Variants in RS1 observed in about 807,000 individuals in gnomAD.
RS1 encodes the protein retinoschisin 1.
RS1 carries 2 observed loss-of-function variants against 20.8 expected under a neutral mutation model. That is an observed-to-expected ratio of 0.10 (90% CI 0.04 to 0.30). The LOEUF (loss-of-function observed/expected upper bound fraction) is 0.30. Among genes scored for constraint, RS1 ranks in the 10% least tolerant of loss-of-function variants. The pLI is 1.00. For synonymous variants in RS1, 70 were observed against 75.8 expected, an observed-to-expected ratio of 0.92 and a Z score of 0.40; for missense variants, 151 against 189.8, an observed-to-expected ratio of 0.80 and a Z score of 1.20.
At chrX:18,660,309 G>A (rs978725994) in intron 1 of RS1, among the ~76,000 whole-genome samples, 1 of 107,134 alleles carries the variant, frequency 9.3e-6, no homozygotes, top group East Asian at 3.0e-4. Context: ...TCTGCCTTCC[G>A]GGTTCAAGCG....
At chrX:18,658,677 G>A (rs1438468540) in intron 1 of RS1, among the ~76,000 whole-genome samples, 22 of 110,423 alleles carry the variant, frequency 2.0e-4, no homozygotes, top group African/African-American at 3.6e-4. Flanking sequence ...GGCTGGTCTC[G>A]AACTCCTGAC....
intron 2 of RS1, among the ~76,000 whole-genome samples, chrX:18,657,236 T>G (rs1341358689): frequency 2.1e-5 from 2 of 95,386 alleles, no homozygotes; most frequent in East Asian, 6.2e-4. Flanking sequence ...TTTTTTTTTT[T>G]TTGAGACAGA....
chrX:18,647,390 G>C lies in RS1; in HGVS notation c.185-58C>G, dbSNP rs1927829520. 10 of 1,162,478 alleles carry C rather than the reference G, an allele frequency of 8.6e-6. No individual in the cohort carries two copies. In the East Asian group the frequency reaches 8.9e-5, roughly 10 times the overall value. On this transcript the variant is annotated intron_variant, in intron 3 of 5. Coordinates refer to ENST00000379984, the MANE Select transcript of RS1 (RefSeq NM_000330.4). ...TATCTCAATACTCAACAAGCACCAG[G>C]TGACTGAAATAACAAAACAAACCCA...
At chrX:18,647,489 A>C (rs914657413) in intron 3 of RS1, 157 bp from the exon 4 acceptor site, 2 of 522,125 alleles carry the variant, frequency 3.8e-6, no homozygotes, top group Admixed American at 5.7e-5. Flanking sequence ...CTGTGTCTTC[A>C]ACGGTTCACT....
intron 1 of RS1, among the ~76,000 whole-genome samples, chrX:18,663,459 C>A (rs945581123): frequency 7.5e-5 from 8 of 107,250 alleles, no homozygotes; most frequent in Non-Finnish European, 1.3e-4. Flanking sequence ...CCTCTCACCT[C>A]AGCCTCCCAT....
chrX:18,651,333 T>C (rs1238847686), intron 3 of RS1, among the ~76,000 whole-genome samples: 1 of 106,485 alleles, frequency 9.4e-6, no homozygotes, highest in African/African-American at 3.5e-5. Context: ...AGAGAGAAAC[T>C]TGTCGACAGC....
Position 18,640,427 on chromosome X carries a change from T to TCCCCCCCCCCCCCCCCC in RS1, c.*1576_*1577insGGGGGGGGGGGGGGGGG, listed in dbSNP as rs1300468144. 9.5e-5 allele frequency: 3 copies of TCCCCCCCCCCCCCCCCC among 31,574 alleles called. No homozygotes were observed. The highest frequency in any genetic ancestry group is 2.0e-3 in the South Asian group (1 of 497). The allele number at this position is 31,574 out of a possible 1,213,427, so 2.6% of individuals were successfully genotyped here. On this transcript the variant is annotated 3_prime_UTR_variant, in exon 6 of 6. Transcript: ENST00000379984. The stretch of plus-strand genomic sequence containing the variant: ...CCTGTGTCCTAAGGCCAGGGATAAG[T>TCCCCCCCCCCCCCCCCC]CCCCCCACCCCCCCCCCCCACCCCC...
chrX:18,664,501 A>G lies in RS1; in HGVS notation c.53-6836T>C, dbSNP rs983019925. 1.1e-4 allele frequency among the ~76,000 whole-genome samples: 12 copies of G among 110,607 alleles called. No individual in the cohort carries two copies. The East Asian group carries it at 1.1e-3, about 11-fold the overall frequency. On this transcript the variant is annotated intron_variant, in intron 1 of 5. Transcript: ENST00000379984. ...AAATTAGCCGGCCATGGTGGTGCAC[A>G]CCTGTAGTCCCAGCTACTCAGGAGG...
Position 18,644,496 on chromosome X carries a change from G to C in RS1, c.456C>G (p.Ser152Arg), listed in dbSNP as rs777902881. ...CDIDEWMTKY[S>R]VQYRTDERLN... Reference sequence around the variant, plus strand: ...GGCGCTCATCGGTCCTGTACTGCACGCTGTACTTGGTCATCCACTCATCGA... The same window carrying C: ...GGCGCTCATCGGTCCTGTACTGCACCCTGTACTTGGTCATCCACTCATCGA... Residue 152 changes from serine (S) to arginine (R), a missense_variant, in exon 5 of 6, where the codon AGC becomes AGG. Coordinates refer to ENST00000379984, the MANE Select transcript of RS1 (RefSeq NM_000330.4). 2 of 1,211,432 alleles carry C rather than the reference G, an allele frequency of 1.7e-6. No individual in the cohort carries two copies. Among genetic ancestry groups the C allele is most frequent in the Non-Finnish European group, 2.2e-6 (2 of 895,213 alleles).
Position 18,641,612 on chromosome X carries a change from G to A in RS1, c.*392C>T. 2 of 177,922 alleles carry A rather than the reference G, an allele frequency of 1.1e-5. No individual in the cohort carries two copies. The highest frequency in any genetic ancestry group is 1.0e-4 in the South Asian group (1 of 10,005). 14.7% of individuals were successfully genotyped at this position (177,922 alleles called of 1,213,427 possible). ...ATTCAAAGCCAGGCTTTAGGAAACT[G>A]TATGTTTCTGTCTTGAATGTGGTAA... is the stretch of plus-strand genomic sequence containing the variant. On this transcript the variant is annotated 3_prime_UTR_variant, in exon 6 of 6. Coordinates refer to ENST00000379984, the MANE Select transcript of RS1 (RefSeq NM_000330.4).
At chrX:18,647,754 G>T in intron 3 of RS1, 1 of 165,678 alleles carries the variant, frequency 6.0e-6, no homozygotes, top group Non-Finnish European at 1.2e-5. Context: ...CATGACGTCA[G>T]GTCTCTTGTT....
At chrX:18,665,073 C>T (rs1928382561) in intron 1 of RS1, among the ~76,000 whole-genome samples, 1 of 112,012 alleles carries the variant, frequency 8.9e-6, no homozygotes, top group South Asian at 3.7e-4. Context: ...ACCACCCCAT[C>T]CAGAAGGCTC....
chrX:18,650,622 C>T, intron 3 of RS1: 1 of 1,201,170 alleles, frequency 8.3e-7, no homozygotes, highest in African/African-American at 1.7e-5. Context: ...CGGTGGGGCT[C>T]AGCCTGGGCT....
At position 18,656,601 on chromosome X, in the gene RS1, G is replaced by T. The variant is rs1928218588; in HGVS notation, c.184+52C>A. 4 of 973,521 alleles carry T rather than the reference G, an allele frequency of 4.1e-6. No homozygotes were observed. The Admixed American group carries it at 8.8e-5, about 21-fold the overall frequency. 80.2% of individuals were successfully genotyped at this position (973,521 alleles called of 1,213,427 possible). A position where few individuals can be genotyped will look rare whatever the true frequency, so the allele number is the denominator to read the frequency against. ...TTCAGCTGAGTGGGAAAAAGGAAGAGAAATGGGGTGTTCCCAATGACTGTT... is the reference window on the plus strand; with the variant it reads ...TTCAGCTGAGTGGGAAAAAGGAAGATAAATGGGGTGTTCCCAATGACTGTT... On this transcript the variant is annotated intron_variant, in intron 3 of 5. Coordinates refer to ENST00000379984, the MANE Select transcript of RS1 (RefSeq NM_000330.4).
intron 1 of RS1, 123 bp downstream of exon 1, chrX:18,671,894 T>C: frequency 1.6e-6 from 1 of 637,038 alleles, no homozygotes; most frequent in South Asian, 2.6e-5. Flanking sequence ...CACATGTTAG[T>C]TAATTAACGT....
chrX:18,652,158 G>C (rs1334526945), intron 3 of RS1, among the ~76,000 whole-genome samples: 1 of 111,115 alleles, frequency 9.0e-6, no homozygotes, highest in East Asian at 2.8e-4. Context: ...CACTCTCTAG[G>C]TATTGACTGG....
At chrX:18,649,970 A>C (rs1927959198) in intron 3 of RS1, 1 of 187,797 alleles carries the variant, frequency 5.3e-6, no homozygotes, top group Non-Finnish European at 9.9e-6. Flanking sequence ...TTTGTTTTCC[A>C]CCCCCACCCG....
At chrX:18,654,154 T>A (rs1928166337) in intron 3 of RS1, among the ~76,000 whole-genome samples, 1 of 105,516 alleles carries the variant, frequency 9.5e-6, no homozygotes, top group Non-Finnish European at 2.0e-5. Context: ...TCTCTCTTTT[T>A]TTTTTTTTTT....
At chrX:18,663,907 T>C (rs771942389) in intron 1 of RS1, among the ~76,000 whole-genome samples, 1 of 111,935 alleles carries the variant, frequency 8.9e-6, no homozygotes, top group East Asian at 2.8e-4. Context: ...TGGACCAACC[T>C]AGTGTTGACA....
Sources: gnomAD v4.1 joint callset for allele counts (sites outside exome capture counted in the v4.1 genomes callset) on GRCh38, gnomAD v4.1.1 for gene constraint, MANE v1.5 for transcripts, NCBI Gene and HGNC (gene_info 2026-07-23, HGNC 2026-07-21) for gene names.